DICER1: variants seen among roughly 807,000 people sequenced by gnomAD.
DICER1 encodes endoribonuclease Dicer.
In DICER1, 43 loss-of-function variants were observed where a neutral mutation model predicts 194.1. The observed-to-expected ratio is 0.22, with a 90% confidence interval of 0.17 to 0.29. The LOEUF is 0.29. Ranked by LOEUF, DICER1 falls within the 10% of genes least tolerant of loss-of-function variation. The pLI, the probability that DICER1 is intolerant of heterozygous loss-of-function variation, is 1.00. For missense variants in DICER1, 1,608 were observed against 2,317.0 expected, an observed-to-expected ratio of 0.69 and a Z score of 6.28; for synonymous variants, 832 against 820.5, an observed-to-expected ratio of 1.01 and a Z score of -0.24.
At chr14:95,151,866 C>G (rs1051066869) in intron 1 of DICER1, among the ~76,000 whole-genome samples, 7 of 152,196 alleles carry the variant, frequency 4.6e-5, no homozygotes, top group African/African-American at 1.7e-4. Flanking sequence ...CTCGAAACAT[C>G]TCAGAGGACT....
At chr14:95,136,383 CT>C (rs550414197) in intron 1 of DICER1, among the ~76,000 whole-genome samples, 169 of 151,928 alleles carry the variant, frequency 1.1e-3, no homozygotes, top group African/African-American at 3.9e-3. Flanking sequence ...TTCTTTTTTT[CT>C]TTTTTTTCAC....
intron 1 of DICER1, among the ~76,000 whole-genome samples, chr14:95,149,087 A>G (rs998011685): frequency 4.6e-5 from 7 of 152,120 alleles, no homozygotes; most frequent in African/African-American, 1.7e-4. Flanking sequence ...TACTCTTAAC[A>G]CTGTGCAACG....
At chr14:95,138,423 A>G (rs1303194051) in intron 1 of DICER1, among the ~76,000 whole-genome samples, 1 of 152,120 alleles carries the variant, frequency 6.6e-6, no homozygotes, top group African/African-American at 2.4e-5. Context: ...ATAAATATCA[A>G]ACAATAAAGA....
At chr14:95,101,484 C>T (rs1039509071) in intron 21 of DICER1, among the ~76,000 whole-genome samples, 6 of 152,160 alleles carry the variant, frequency 3.9e-5, no homozygotes, top group African/African-American at 1.4e-4. Context: ...TCAGAGCTTC[C>T]GTATGGCGAC....
intron 1 of DICER1, among the ~76,000 whole-genome samples, chr14:95,145,421 T>C (rs1895069305): frequency 6.6e-6 from 1 of 152,268 alleles, no homozygotes; most frequent in Non-Finnish European, 1.5e-5. Flanking sequence ...TACTGTGTAC[T>C]ACTTACTGGC....
At chr14:95,121,053 T>G (rs1175325889) in intron 8 of DICER1, among the ~76,000 whole-genome samples, 1 of 152,162 alleles carries the variant, frequency 6.6e-6, no homozygotes, top group African/African-American at 2.4e-5. Flanking sequence ...TGATATAATG[T>G]GACTAGAAGA....
intron 1 of DICER1, among the ~76,000 whole-genome samples, chr14:95,153,171 C>A (rs140817426): frequency 0.012 from 1,766 of 151,506 alleles, 37 homozygotes; most frequent in African/African-American, 0.04. Context: ...GAGCTGAGAT[C>A]GCACCACTGC....
chr14:95,109,640 ACATT>A (rs1389511410), intron 14 of DICER1, among the ~76,000 whole-genome samples: 1 of 152,264 alleles, frequency 6.6e-6, no homozygotes, highest in Non-Finnish European at 1.5e-5. Flanking sequence ...AAAATGGGTA[ACATT>A]CATGATTTTT....
Position 95,116,524 on chromosome 14 carries a change from T to C in DICER1, c.1681A>G (p.Ile561Val), listed in dbSNP as rs147493562. Residue 561 changes from isoleucine (I) to valine (V), a missense_variant, in exon 10 of 27, where the codon ATA (isoleucine) becomes GTA (valine). This residue lies in a region of DICER1 where 657 missense variants were observed against 910.1 expected (regional missense o/e 0.72). Coordinates refer to ENST00000343455, the MANE Select transcript of DICER1 (RefSeq NM_177438.3). ...ATTTTGTCTGTATCCGCTAACATTA[T>C]ATAATTAGAGATGGGTGCCCTTGCT... ...GRARAPISNY[I>V]MLADTDKIKS... The C allele has an allele frequency of 1.7e-5, 27 of 1,614,028 alleles. No homozygotes were observed. In the East Asian group the frequency reaches 4.7e-4, roughly 28 times the overall value.
chr14:95,135,124 T>A (rs1256066612), intron 1 of DICER1, among the ~76,000 whole-genome samples: 2 of 152,212 alleles, frequency 1.3e-5, no homozygotes, highest in Non-Finnish European at 2.9e-5. Flanking sequence ...GGCCCAAGGC[T>A]AAGATCTGCG....
chr14:95,110,918 G>C (rs997517065), intron 14 of DICER1, among the ~76,000 whole-genome samples: 3 of 152,054 alleles, frequency 2.0e-5, no homozygotes, highest in Non-Finnish European at 4.4e-5. Context: ...CATCTTGAGA[G>C]GGCATCTTTT....
Position 95,106,230 on chromosome 14 carries a change from A to G in DICER1, c.2805-7T>C. On this transcript the variant is annotated splice_region_variant and splice_polypyrimidine_tract_variant and intron_variant, in intron 17 of 26. Transcript: ENST00000343455. ...CTGATCAAAATTGCGATATCTAAAA[A>G]AGAAAAACAAAAAAACAATCAGTTG... 1 of 1,609,642 alleles carries G rather than the reference A, an allele frequency of 6.2e-7. No homozygotes were observed. The highest frequency in any genetic ancestry group is 8.5e-7 in the Non-Finnish European group (1 of 1,176,296).
At chr14:95,119,300 A>C (rs1364343837) in intron 8 of DICER1, among the ~76,000 whole-genome samples, 1 of 152,248 alleles carries the variant, frequency 6.6e-6, no homozygotes, top group Non-Finnish European at 1.5e-5. Flanking sequence ...CCTTAATGAA[A>C]CCCACATCAA....
rs1279712634 is a variant in DICER1 at position 95,106,355 on chromosome 14, C to T, written c.2805-132G>A. 8.3e-6 allele frequency: 6 copies of T among 721,026 alleles called. No individual in the cohort carries two copies. In the South Asian group the frequency reaches 9.8e-5, roughly 12 times the overall value. 44.7% of individuals were successfully genotyped at this position (721,026 alleles called of 1,614,324 possible). A position where few individuals can be genotyped will look rare whatever the true frequency, so the allele number is the denominator to read the frequency against. Reference sequence around the variant, plus strand: ...ATTAAAAATAAGTAACAATAAACATCTGTATTCCAAATATATTTCAAGTAT... The same window carrying T: ...ATTAAAAATAAGTAACAATAAACATTTGTATTCCAAATATATTTCAAGTAT... On this transcript the variant is annotated intron_variant, in intron 17 of 26. Transcript: ENST00000343455.
At chr14:95,116,350 A>T in intron 10 of DICER1, 103 bp downstream of exon 10, 1 of 1,372,404 alleles carries the variant, frequency 7.3e-7, no homozygotes, top group Non-Finnish European at 1.0e-6. Context: ...TATTGCCTGT[A>T]GATAAAACTC....
At chr14:95,141,782 C>A (rs1055634887) in intron 1 of DICER1, 1 of 152,140 alleles carries the variant, frequency 6.6e-6, no homozygotes, top group Non-Finnish European at 1.5e-5. Flanking sequence ...TTAGAAGAGA[C>A]AACTCATTTT....
Position 95,100,787 on chromosome 14 carries a change from C to A in DICER1, c.4051-852G>T, listed in dbSNP as rs568538252. Among the ~76,000 whole-genome samples the A allele has an allele frequency of 5.3e-5, 8 of 152,216 alleles. No homozygotes were observed. The East Asian group carries it at 1.4e-3, about 26-fold the overall frequency. On this transcript the variant is annotated intron_variant, in intron 21 of 26. Coordinates refer to ENST00000343455, the MANE Select transcript of DICER1 (RefSeq NM_177438.3). The stretch of plus-strand genomic sequence containing the variant: ...TAACTCAACTATTGTTTAATAGACA[C>A]CCCCCATATGAGAGGCACTCGATTG...
In DICER1 at chr14:95,124,713, A is replaced by C; in HGVS notation, c.904-45T>G. 7 of 1,446,744 alleles carry C rather than the reference A, an allele frequency of 4.8e-6. No homozygotes were observed. Among genetic ancestry groups the C allele is most frequent in the Non-Finnish European group, 6.8e-6 (7 of 1,031,290 alleles). The allele number at this position is 1,446,744 out of a possible 1,614,324, so 89.6% of individuals were successfully genotyped here. On this transcript the variant is annotated intron_variant, in intron 7 of 26. Coordinates refer to ENST00000343455, the MANE Select transcript of DICER1 (RefSeq NM_177438.3). The surrounding 1 kb of genome is among the most constrained non-coding windows in gnomAD (Gnocchi z 4.5). The stretch of plus-strand genomic sequence containing the variant: ...AAAAACCTAATGCCAAATAATAATA[A>C]TGTAGCATTTTCATGTGGGGTTTAA...
At chr14:95,153,870 C>T (rs780830696) in intron 1 of DICER1, among the ~76,000 whole-genome samples, 1 of 152,152 alleles carries the variant, frequency 6.6e-6, no homozygotes, top group African/African-American at 2.4e-5. Flanking sequence ...GCCCCACAGG[C>T]TAAGGAGGTG....
Sources: allele counts gnomAD v4.1 joint callset (sites outside exome capture counted in the v4.1 genomes callset), GRCh38; gene constraint gnomAD v4.1.1; regional missense constraint gnomAD v4.1.1; non-coding constraint Gnocchi (gnomAD v3.1); transcripts MANE v1.5; gene names NCBI Gene and HGNC (gene_info 2026-07-23, HGNC 2026-07-21).